The following FAM13B variants were observed in gnomAD, a reference collection of about 807,000 sequenced individuals.
FAM13B encodes the protein family with sequence similarity 13 member B, also known as protein FAM13B.
Under a neutral mutation model 117.3 loss-of-function variants are expected in FAM13B, and 60 were observed. That is an observed-to-expected ratio of 0.51 (90% CI 0.42 to 0.63). The LOEUF is 0.63. Ranked by LOEUF, FAM13B falls within the 30% of genes least tolerant of loss-of-function variation. FAM13B has a pLI of 0.00. For missense variants in FAM13B, 972 were observed against 1,091.9 expected (o/e 0.89, Z 1.55); for synonymous variants, 332 against 356.1 (o/e 0.93, Z 0.76).
At chr5:137,976,626 C>T (rs552323385) in intron 10 of FAM13B, among the ~76,000 whole-genome samples, 6 of 152,254 alleles carry the variant, frequency 3.9e-5, no homozygotes, top group South Asian at 2.1e-4. Context: ...ATTTCATGGA[C>T]ATTTATTAGT....
intron 7 of FAM13B, among the ~76,000 whole-genome samples, chr5:138,003,140 A>G (rs535211197): frequency 4.7e-4 from 72 of 152,310 alleles, no homozygotes; most frequent in Non-Finnish European, 8.5e-4. Flanking sequence ...CAGTAATAAC[A>G]ACCGTAAAAA....
intron 22 of FAM13B, 123 bp downstream of exon 22, chr5:137,942,752 G>A: frequency 2.7e-6 from 2 of 740,610 alleles, no homozygotes; most frequent in Admixed American, 3.2e-5. Flanking sequence ...TGAAAAGCAT[G>A]TGTCCTTTGA....
chr5:137,982,835 G>A (rs1246192250), intron 10 of FAM13B, among the ~76,000 whole-genome samples: 2 of 152,124 alleles, frequency 1.3e-5, no homozygotes, highest in African/African-American at 4.8e-5. Flanking sequence ...TCTTGTTAAT[G>A]TCTTCTGTTA....
intron 7 of FAM13B, among the ~76,000 whole-genome samples, chr5:137,997,222 C>A (rs1328459659): frequency 1.3e-5 from 2 of 152,148 alleles, no homozygotes; most frequent in Non-Finnish European, 2.9e-5. Flanking sequence ...GTAATCCCAG[C>A]ACTTTGGGAG....
At chr5:137,996,292 C>T (rs11242405) in intron 7 of FAM13B, among the ~76,000 whole-genome samples, 34,893 of 151,796 alleles carry the variant, frequency 0.23, 4,226 homozygotes, top group African/African-American at 0.29. Context: ...CCGGCCACCA[C>T]GCCTGGCTAA....
intron 1 of FAM13B, among the ~76,000 whole-genome samples, chr5:138,026,888 G>A (rs1214787786): frequency 2.6e-5 from 4 of 151,214 alleles, no homozygotes; most frequent in Non-Finnish European, 2.9e-5. Context: ...ACAGTGAGCC[G>A]AGATCGCGCC....
intron 1 of FAM13B, among the ~76,000 whole-genome samples, chr5:138,022,036 C>G (rs1388019373): frequency 2.0e-5 from 3 of 151,610 alleles, no homozygotes; most frequent in Non-Finnish European, 2.9e-5. Flanking sequence ...ATCACTTCTG[C>G]CAGGAGGTGG....
At chr5:138,027,514 G>A (rs73792408) in intron 1 of FAM13B, among the ~76,000 whole-genome samples, 3,295 of 152,260 alleles carry the variant, frequency 0.022, 102 homozygotes, top group African/African-American at 0.075. Flanking sequence ...TGAAGCAAAA[G>A]GCACCTCTTT....
At chr5:137,943,441 C>G (rs1041251987) in intron 20 of FAM13B, among the ~76,000 whole-genome samples, 1 of 152,078 alleles carries the variant, frequency 6.6e-6, no homozygotes, top group Admixed American at 6.6e-5. Context: ...GCTCATACAA[C>G]AGATATTTTA....
chr5:138,010,300 A>C (rs1463461916), intron 6 of FAM13B, among the ~76,000 whole-genome samples: 1 of 152,070 alleles, frequency 6.6e-6, no homozygotes, highest in Non-Finnish European at 1.5e-5. Flanking sequence ...ATGTTATATC[A>C]CACTTTTTAA....
chr5:137,949,113 T>G lies in FAM13B; in HGVS notation c.2002A>C (p.Ser668Arg), dbSNP rs1764213444. The G allele has an allele frequency of 6.2e-7, 1 of 1,614,140 alleles. No individual in the cohort carries two copies. The highest frequency in any genetic ancestry group is 8.5e-7 in the Non-Finnish European group (1 of 1,180,024). Residue 668 changes from serine to arginine, a missense_variant, in exon 18 of 24, where the codon AGC (serine) becomes CGC (arginine). Ser to Arg is a moderately radical substitution (Grantham distance 110). Coordinates refer to ENST00000689681, the MANE Select transcript of FAM13B (RefSeq NM_001385994.1). The stretch of plus-strand genomic sequence containing the variant: ...TCATGGTCTAGAGAAGAGCCAAAGC[T>G]TTTTGGAAGTGTGTTACTACGTGGA... ...TRPRSNTLPKSFGSSLDHEDE... is the reference protein window; with the variant it reads ...TRPRSNTLPKRFGSSLDHEDE...
chr5:137,960,914 G>T (rs988650581), intron 11 of FAM13B, among the ~76,000 whole-genome samples: 4 of 152,076 alleles, frequency 2.6e-5, no homozygotes, highest in Non-Finnish European at 5.9e-5. Flanking sequence ...TGCCTACTGG[G>T]GGAAAGTTCT....
At chr5:138,037,546 C>T (rs1320742762), upstream of FAM13B, among the ~76,000 whole-genome samples, 1 of 151,944 alleles carries the variant, frequency 6.6e-6, no homozygotes, top group African/African-American at 2.4e-5. Context: ...ATAATGCCCT[C>T]ATTATTCACA....
chr5:137,947,618 G>A (rs892758707), intron 18 of FAM13B, among the ~76,000 whole-genome samples: 3 of 151,042 alleles, frequency 2.0e-5, no homozygotes, highest in Non-Finnish European at 2.9e-5. Context: ...GTCTCGCTCT[G>A]TTGCCCAGGC....
At chr5:137,966,272 A>T (rs1223355553) in intron 10 of FAM13B, among the ~76,000 whole-genome samples, 1 of 151,562 alleles carries the variant, frequency 6.6e-6, no homozygotes, top group Non-Finnish European at 1.5e-5. Flanking sequence ...CCTCGTCTCT[A>T]CTAAAAATAC....
At chr5:137,944,124 T>C (rs147651394) in intron 20 of FAM13B, among the ~76,000 whole-genome samples, 31 of 152,338 alleles carry the variant, frequency 2.0e-4, no homozygotes, top group African/African-American at 6.5e-4. Flanking sequence ...ATATAATATG[T>C]GCCCCTTTGT....
At chr5:138,040,674 T>C (rs78990021) in intron 1 of FAM13B, among the ~76,000 whole-genome samples, 5,119 of 152,280 alleles carry the variant, frequency 0.034, 123 homozygotes, top group Middle Eastern at 0.054. Flanking sequence ...ATATCCTAAA[T>C]TCTGGAAGAC....
intron 1 of FAM13B, among the ~76,000 whole-genome samples, chr5:138,032,125 C>T (rs1343371538): frequency 1.3e-5 from 2 of 152,232 alleles, no homozygotes; most frequent in Admixed American, 1.3e-4. Context: ...CAGTTTCCCA[C>T]TGCGCAAATG....
chr5:138,007,022 G>A lies in FAM13B; in HGVS notation c.816C>T (p.Asn272=), dbSNP rs1388973688. The stretch of plus-strand genomic sequence containing the variant: ...CCGTAACACTATTTGATTCCAGGAT[G>A]TTTTCAGTCATCCTTAATTGTACCA... ...PEVVQLRMTE[N]ILESNSVTAT... Residue 272 remains asparagine (N), a synonymous_variant, in exon 7 of 24, where the codon AAC becomes AAT. Transcript: ENST00000689681. 4 of 1,610,514 alleles carry A rather than the reference G, an allele frequency of 2.5e-6. No individual in the cohort carries two copies. In the South Asian group the frequency reaches 4.4e-5, roughly 18 times the overall value.
Sources: allele counts gnomAD v4.1 joint callset (sites outside exome capture counted in the v4.1 genomes callset), GRCh38; gene constraint gnomAD v4.1.1; transcripts MANE v1.5; gene names NCBI Gene and HGNC (gene_info 2026-07-23, HGNC 2026-07-21).